Variants in MYH10 observed in about 807,000 individuals in gnomAD.
The protein encoded by MYH10 is myosin heavy chain 10.
Under a neutral mutation model 257.8 loss-of-function variants are expected in MYH10, and 55 were observed. The ratio of observed to expected loss-of-function variants is 0.21; its 90% CI spans 0.17 to 0.27. The LOEUF is 0.27. Among genes scored for constraint, MYH10 ranks in the 10% least tolerant of loss-of-function variants. The pLI, the probability that MYH10 is intolerant of heterozygous loss-of-function variation, is 1.00. For synonymous variants in MYH10, 854 were observed against 921.7 expected, an observed-to-expected ratio of 0.93 and a Z score of 1.33; for missense variants, 1,631 against 2,500.6, an observed-to-expected ratio of 0.65 and a Z score of 7.42.
rs370034938 is a variant in MYH10, at chr17:8,484,187, C to T, written c.5126G>A (p.Ser1709Asn). 1 of 1,610,028 alleles carries T rather than the reference C, an allele frequency of 6.2e-7. No homozygotes were observed. The highest frequency in any genetic ancestry group is 1.3e-5 in the African/African-American group (1 of 74,784). ...TTCCAGACTCTTCAATTTCTTTTCACTCTCTTTGGATTGAGCAAAAATCTC... is the reference window on the plus strand; with the variant it reads ...TTCCAGACTCTTCAATTTCTTTTCATTCTCTTTGGATTGAGCAAAAATCTC... The part of the protein sequence containing the change: ...RDEIFAQSKE[S>N]EKKLKSLEAE... The change falls in exon 37 of 43, where the codon AGT (serine) becomes AAT (asparagine). Residue 1709 changes from serine to asparagine, a missense_variant. Physicochemically the swap from Ser to Asn is conservative, Grantham distance 46 (BLOSUM62 1). Transcript: ENST00000360416.
In MYH10 at chr17:8,576,494, G is replaced by A. The variant is rs1429774917; in HGVS notation, c.663+149C>T. The A allele has an allele frequency of 6.0e-6, 4 of 668,132 alleles. No homozygotes were observed. In the East Asian group the frequency reaches 1.1e-4, roughly 19 times the overall value. The allele number at this position is 668,132 out of a possible 1,614,324, so 41.4% of individuals were successfully genotyped here. A position where few individuals can be genotyped will look rare whatever the true frequency, so the allele number is the denominator to read the frequency against. Reference sequence around the variant, plus strand: ...GCATGCGCTTCTCAAGAAAGAATAAGGCTCTAAGCAATAAATTTTCAAAAT... The same window carrying A: ...GCATGCGCTTCTCAAGAAAGAATAAAGCTCTAAGCAATAAATTTTCAAAAT... On this transcript the variant is annotated intron_variant, in intron 6 of 42. Transcript: ENST00000360416.
chr17:8,568,085 G>C (rs1014167562), intron 7 of MYH10, among the ~76,000 whole-genome samples: 1 of 152,002 alleles, frequency 6.6e-6, no homozygotes, highest in African/African-American at 2.4e-5. Flanking sequence ...GGGTCCTCTG[G>C]GACGCTAGTC....
Position 8,623,142 on chromosome 17 carries a change from T to C in MYH10, c.105A>G (p.Leu35=). The C allele has an allele frequency of 6.2e-7, 1 of 1,613,898 alleles. No individual in the cohort carries two copies. The highest frequency in any genetic ancestry group is 1.1e-5 in the South Asian group (1 of 91,022). ...CATGGCGTTCTGATGGAATCCACAC[T>C]AGCTTTTTAGCTGTCCAATCAGCTT... The part of the protein sequence containing the change: ...ATQADWTAKK[L]VWIPSERHGF... Residue 35 remains leucine (L), a synonymous_variant, in exon 2 of 43, where the codon CTA becomes CTG. Coordinates refer to ENST00000360416, the MANE Select transcript of MYH10 (RefSeq NM_001256012.3).
At chr17:8,510,009 G>T in intron 24 of MYH10, 60 bp from the exon 25 acceptor site, 1 of 1,527,162 alleles carries the variant, frequency 6.5e-7, no homozygotes. Flanking sequence ...CACATTCATT[G>T]TGCACAGGAA....
chr17:8,486,248 G>T (rs1023810747), intron 36 of MYH10, among the ~76,000 whole-genome samples: 1 of 152,126 alleles, frequency 6.6e-6, no homozygotes, highest in African/African-American at 2.4e-5. Flanking sequence ...CCCCAAATAT[G>T]ATAGTGGTGA....
intron 4 of MYH10, among the ~76,000 whole-genome samples, chr17:8,585,708 G>T (rs1200207613): frequency 6.6e-6 from 1 of 151,962 alleles, no homozygotes; most frequent in South Asian, 2.1e-4. Context: ...AAGTACGGGG[G>T]GACAGGAGAA....
Position 8,493,787 on chromosome 17 carries a change from C to G in MYH10, c.4155G>C (p.Glu1385Asp). 1 of 1,614,090 alleles carries G rather than the reference C, an allele frequency of 6.2e-7. No homozygotes were observed. Among genetic ancestry groups the G allele is most frequent in the African/African-American group, 1.3e-5 (1 of 75,046 alleles). Residue 1385 changes from glutamate (E) to aspartate (D), a missense_variant, in exon 32 of 43, where the codon GAG (glutamate) becomes GAC (aspartate). Glu to Asp is a conservative substitution (Grantham distance 45, BLOSUM62 2). Transcript: ENST00000360416. ...CCAGGTTCTTCCTGGCCTCCTCCTCCTCCTCCTGCTGCTCCTGAAGACTGT... is the reference window on the plus strand; with the variant it reads ...CCAGGTTCTTCCTGGCCTCCTCCTCGTCCTCCTGCTGCTCCTGAAGACTGT... ...EKNSLQEQQE[E>D]EEEARKNLEK... is the part of the protein sequence containing the mutation.
At chr17:8,510,229 A>G (rs1302142651) in intron 24 of MYH10, among the ~76,000 whole-genome samples, 1 of 151,574 alleles carries the variant, frequency 6.6e-6, no homozygotes, top group Non-Finnish European at 1.5e-5. Context: ...TTTTTGGTAG[A>G]GATGGGGTTT....
intron 1 of MYH10, among the ~76,000 whole-genome samples, chr17:8,626,574 T>TA (rs1253555074): frequency 4.8e-5 from 4 of 83,260 alleles, no homozygotes; most frequent in Non-Finnish European, 9.5e-5. Context: ...CTCAAAATAA[T>TA]AATAAATAAT....
intron 21 of MYH10, among the ~76,000 whole-genome samples, chr17:8,515,080 TG>T (rs1445253128): frequency 6.6e-6 from 1 of 152,138 alleles, no homozygotes; most frequent in African/African-American, 2.4e-5. Flanking sequence ...GCATTTTTGT[TG>T]GCACAACCAA....
chr17:8,489,747 C>CACACACACACACA (rs1567784631), intron 35 of MYH10, among the ~76,000 whole-genome samples: 2 of 79,690 alleles, frequency 2.5e-5, no homozygotes, highest in African/African-American at 1.2e-4. Flanking sequence ...ACACACACAC[C>CACACACACACACA]CCAAATCCAA....
intron 37 of MYH10, among the ~76,000 whole-genome samples, chr17:8,482,599 G>C (rs906339962): frequency 1.3e-5 from 2 of 152,156 alleles, no homozygotes; most frequent in Admixed American, 6.5e-5. Context: ...AGGGACCCAC[G>C]GGAGAAAGGA....
intron 7 of MYH10, among the ~76,000 whole-genome samples, chr17:8,557,066 C>T (rs2082829162): frequency 6.6e-6 from 1 of 152,110 alleles, no homozygotes; most frequent in African/African-American, 2.4e-5. Flanking sequence ...CCTTCTCACC[C>T]TTCCCAAAGT....
chr17:8,509,724 G>C, intron 25 of MYH10, 88 bp downstream of exon 25: 1 of 1,247,978 alleles, frequency 8.0e-7, no homozygotes, highest in Non-Finnish European at 1.1e-6. Flanking sequence ...ATTTCTGTTT[G>C]AGTTCACTTT....
intron 30 of MYH10, among the ~76,000 whole-genome samples, chr17:8,497,322 C>A (rs7225733): frequency 2.0e-5 from 3 of 151,960 alleles, no homozygotes; most frequent in Non-Finnish European, 4.4e-5. Flanking sequence ...AAGGACTCAT[C>A]GACTATATTG....
rs114200967 is a variant in MYH10, at chr17:8,627,129, C to T, written c.-32+3525G>A. Among the ~76,000 whole-genome samples the T allele has an allele frequency of 3.8e-3, 546 of 142,982 alleles. 4 individuals are homozygous for T. The highest frequency in any genetic ancestry group is 0.015 in the African/African-American group (529 of 34,598). 93.8% of individuals were successfully genotyped at this position (142,982 alleles called of 152,430 possible). A position where few individuals can be genotyped will look rare whatever the true frequency, so the allele number is the denominator to read the frequency against. On this transcript the variant is annotated intron_variant, in intron 1 of 42. Coordinates refer to ENST00000360416, the MANE Select transcript of MYH10 (RefSeq NM_001256012.3). The stretch of plus-strand genomic sequence containing the variant: ...CCAATTTTGTGGGGAAAACTACATA[C>T]ACGTGTGTATTTTTTTTTTAAACGG...
chr17:8,600,207 A>G (rs1007860015), intron 3 of MYH10, among the ~76,000 whole-genome samples: 1 of 152,254 alleles, frequency 6.6e-6, no homozygotes, highest in Non-Finnish European at 1.5e-5. Flanking sequence ...TTTACCAAAC[A>G]AGAATAACCA....
At position 8,592,766 on chromosome 17, in the gene MYH10, C is replaced by G. The variant is rs552514398; in HGVS notation, c.503-3658G>C. 4.6e-5 allele frequency among the ~76,000 whole-genome samples: 5 copies of G among 108,380 alleles called. No homozygotes were observed. The South Asian group carries it at 1.6e-3, about 35-fold the overall frequency. 71.1% of individuals were successfully genotyped at this position (108,380 alleles called of 152,430 possible). On this transcript the variant is annotated intron_variant, in intron 3 of 42. Transcript: ENST00000360416. ...CTTTAGAAAACTGAAGAGGAAGAAG[C>G]ATTTCTCAATCCATTCTAAGAGACA...
At chr17:8,501,676 A>G (rs866920345) in intron 28 of MYH10, among the ~76,000 whole-genome samples, 1 of 152,208 alleles carries the variant, frequency 6.6e-6, no homozygotes, top group African/African-American at 2.4e-5. Context: ...GGGCAGGAAA[A>G]TTAAAAGGCA....
Sources: gnomAD v4.1 joint callset for allele counts (sites outside exome capture counted in the v4.1 genomes callset) on GRCh38, gnomAD v4.1.1 for gene constraint, MANE v1.5 for transcripts, NCBI Gene and HGNC (gene_info 2026-07-23, HGNC 2026-07-21) for gene names.